Variants in MYBL2 observed in about 807,000 individuals in gnomAD.
The protein encoded by MYBL2 is MYB proto-oncogene like 2, also known as myb-related protein B.
Under a neutral mutation model 79.9 loss-of-function variants are expected in MYBL2, and 28 were observed. The observed-to-expected ratio is 0.35, with a 90% CI of 0.26 to 0.48. The LOEUF (loss-of-function observed/expected upper bound fraction) is 0.48, where lower values mean the gene tolerates loss of function less well. Ranked by LOEUF, MYBL2 falls within the 20% of genes least tolerant of loss-of-function variation. The pLI, the probability that MYBL2 is intolerant of heterozygous loss-of-function variation, is 0.99. For missense variants in MYBL2, 735 were observed against 893.9 expected (o/e 0.82, Z 2.27); for synonymous variants, 378 against 361.2 (o/e 1.05, Z -0.53).
At chr20:43,704,168 C>A (rs149652094) in intron 8 of MYBL2, among the ~76,000 whole-genome samples, 1 of 152,060 alleles carries the variant, frequency 6.6e-6, no homozygotes, top group Non-Finnish European at 1.5e-5. Flanking sequence ...CATGAGCCAC[C>A]ATGCCCGGCT....
Position 43,705,206 on chromosome 20 carries a change from T to C in MYBL2, c.1366-13T>C, listed in dbSNP as rs754576348. 1.2e-6 allele frequency: 2 copies of C among 1,613,204 alleles called. No individual in the cohort carries two copies. The highest frequency in any genetic ancestry group is 1.7e-5 in the Admixed American group (1 of 59,878). ...TCATCATTTTGTCTTGTTCCCTCTC[T>C]CTTCTTTGGCAGTTTCTGAACTTCT... On this transcript the variant is annotated splice_polypyrimidine_tract_variant and intron_variant, in intron 8 of 13. Transcript: ENST00000217026.
intron 2 of MYBL2, among the ~76,000 whole-genome samples, chr20:43,675,911 G>GGTT (rs1986997568): frequency 6.9e-6 from 1 of 144,774 alleles, no homozygotes; most frequent in East Asian, 2.0e-4. Context: ...CCAATAGGTA[G>GGTT]TTTTTTTTTT....
chr20:43,697,578 G>T (rs943322567), intron 6 of MYBL2, among the ~76,000 whole-genome samples: 4 of 148,836 alleles, frequency 2.7e-5, no homozygotes, highest in African/African-American at 1.0e-4. Context: ...GCCTCTGCAC[G>T]CCAGCCTGGG....
chr20:43,673,584 C>A, intron 1 of MYBL2: 1 of 607,954 alleles, frequency 1.6e-6, no homozygotes. Flanking sequence ...CTGCAGTGAG[C>A]TACGATCATG....
At chr20:43,677,289 G>A (rs557231354) in intron 2 of MYBL2, among the ~76,000 whole-genome samples, 5 of 152,122 alleles carry the variant, frequency 3.3e-5, no homozygotes, top group African/African-American at 9.7e-5. Flanking sequence ...GGTCATCCGC[G>A]GCACCGGTAG....
At chr20:43,687,975 G>A (rs1987317863) in intron 5 of MYBL2, among the ~76,000 whole-genome samples, 1 of 143,158 alleles carries the variant, frequency 7.0e-6, no homozygotes, top group Non-Finnish European at 1.5e-5. Context: ...TCATATCACT[G>A]CACTCCAGCC....
At chr20:43,687,204 C>T (rs1987297557) in intron 5 of MYBL2, 132 bp downstream of exon 5, 4 of 898,958 alleles carry the variant, frequency 4.4e-6, no homozygotes, top group Middle Eastern at 3.5e-4. Flanking sequence ...GGCTCCAGGG[C>T]TCCCAGAGGC....
intron 4 of MYBL2, among the ~76,000 whole-genome samples, chr20:43,683,142 A>G (rs1046393741): frequency 6.6e-6 from 1 of 152,104 alleles, no homozygotes; most frequent in Admixed American, 6.6e-5. Context: ...TGTTCCACCC[A>G]TGGAGGGGAG....
Position 43,705,305 on chromosome 20 carries a change from G to A in MYBL2, c.1452G>A (p.Val484=). 1 of 1,614,026 alleles carries A rather than the reference G, an allele frequency of 6.2e-7. No individual in the cohort carries two copies. The highest frequency in any genetic ancestry group is 8.5e-7 in the Non-Finnish European group (1 of 1,179,990). Reference sequence around the variant, plus strand: ...CCCCAGTGTGCAGCCAGAAGGTGGTGGTCACCACACCACTGCACCGGGACA... The same window carrying A: ...CCCCAGTGTGCAGCCAGAAGGTGGTAGTCACCACACCACTGCACCGGGACA... ...TSTPVCSQKV[V]VTTPLHRDKT... The change falls in exon 9 of 14, where the codon GTG becomes GTA. Residue 484 remains valine (V), a synonymous_variant. Transcript: ENST00000217026.
chr20:43,687,107 C>A (rs375726096), intron 5 of MYBL2, 35 bp downstream of exon 5: 2 of 1,598,762 alleles, frequency 1.3e-6, no homozygotes, highest in Admixed American at 1.7e-5. Flanking sequence ...GACAGGTTCC[C>A]GGGAGGCCAG....
chr20:43,702,766 C>T lies in MYBL2; in HGVS notation c.1228C>T (p.Leu410Phe), dbSNP rs1987702603. The change falls in exon 8 of 14, where the codon CTC (leucine) becomes TTC (phenylalanine). Residue 410 changes from leucine to phenylalanine, a missense_variant. Physicochemically the swap from Leu to Phe is conservative, Grantham distance 22. Around this residue, in one of 5 missense-constraint regions of MYBL2, gnomAD observed 243 missense variants for 327.2 expected, o/e 0.74. Transcript: ENST00000217026. ...GSGIGTPPSVLKRQRKRRVAL... is the reference protein window; with the variant it reads ...GSGIGTPPSVFKRQRKRRVAL... Reference sequence around the variant, plus strand: ...TGGCATTGGCACACCGCCCTCTGTGCTCAAGCGGCAGAGGAAGAGGCGTGT... The same window carrying T: ...TGGCATTGGCACACCGCCCTCTGTGTTCAAGCGGCAGAGGAAGAGGCGTGT... 4 of 1,614,094 alleles carry T rather than the reference C, an allele frequency of 2.5e-6. No homozygotes were observed. The African/African-American group carries it at 5.3e-5, about 22-fold the overall frequency.
Position 43,716,069 on chromosome 20 carries a change from G to A in MYBL2, c.2085G>A (p.Arg695=), listed in dbSNP as rs1988025477. 10 of 1,608,378 alleles carry A rather than the reference G, an allele frequency of 6.2e-6. No homozygotes were observed. Among genetic ancestry groups the A allele is most frequent in the Non-Finnish European group, 8.5e-6 (10 of 1,179,778 alleles). Residue 695 remains arginine (R), a synonymous_variant, in exon 14 of 14, where the codon CGG becomes CGA. Coordinates refer to ENST00000217026, the MANE Select transcript of MYBL2 (RefSeq NM_002466.4). Reference sequence around the variant, plus strand: ...GCCTGAAGCCCAGCCACACATCTCGGACCCTCATCTTGTCCTGAGGTGTTG... The same window carrying A: ...GCCTGAAGCCCAGCCACACATCTCGAACCCTCATCTTGTCCTGAGGTGTTG... The part of the protein sequence containing the change: ...LGRLKPSHTS[R]TLILS
At chr20:43,713,391 CTTTTTTTTTTTTT>C (rs1228003804) in intron 12 of MYBL2, among the ~76,000 whole-genome samples, 77 of 141,706 alleles carry the variant, frequency 5.4e-4, no homozygotes, top group African/African-American at 1.9e-3. Context: ...CTTTTTTTTT[CTTTTTTTTTTTTT>C]GAATTGGAAT....
chr20:43,711,521 G>C lies in MYBL2; in HGVS notation c.1639G>C (p.Glu547Gln), dbSNP rs1211622611. ...QTPHLEEDLK[E>Q]VLRSEAGIEL... ...CCCGCACCTGGAGGAGGACTTGAAG[G>C]AGGTGCTGCGTTCTGAGGCTGGCAT... Residue 547 changes from glutamate (E) to glutamine (Q), a missense_variant, in exon 11 of 14, where the codon GAG becomes CAG. Transcript: ENST00000217026. 6.2e-7 allele frequency: 1 copy of C among 1,613,780 alleles called. No homozygotes were observed.
chr20:43,687,221 A>G, intron 5 of MYBL2, 149 bp downstream of exon 5: 1 of 781,900 alleles, frequency 1.3e-6, no homozygotes, highest in South Asian at 1.8e-5. Context: ...AGGCATGCAT[A>G]GTCAGGAGGA....
chr20:43,674,911 T>A (rs1986968371), intron 2 of MYBL2, among the ~76,000 whole-genome samples: 1 of 152,218 alleles, frequency 6.6e-6, no homozygotes, highest in Non-Finnish European at 1.5e-5. Flanking sequence ...TCCTTCTAGC[T>A]CCATCTTTTT....
intron 5 of MYBL2, among the ~76,000 whole-genome samples, chr20:43,690,122 G>A (rs944053530): frequency 2.0e-5 from 3 of 152,090 alleles, no homozygotes; most frequent in African/African-American, 7.2e-5. Flanking sequence ...CATATGAGGA[G>A]GGCGCATGTG....
At position 43,702,494 on chromosome 20, in the gene MYBL2, C is replaced by T. The variant is rs1197663970; in HGVS notation, c.956C>T (p.Pro319Leu). 1.3e-6 allele frequency: 2 copies of T among 1,596,162 alleles called. No homozygotes were observed. Among genetic ancestry groups the T allele is most frequent in the African/African-American group, 1.3e-5 (1 of 74,664 alleles). Reference protein sequence around the residue: ...SEALDLIESDPDAWCDLSKFD... With the variant: ...SEALDLIESDLDAWCDLSKFD... ...CTAACCTCCCTCCCTGGACAGGACC[C>T]TGATGCTTGGTGTGACCTGAGTAAA... Residue 319 changes from proline (P) to leucine (L), a missense_variant, in exon 8 of 14, where the codon CCT (proline) becomes CTT (leucine). Pro to Leu is a moderately conservative substitution (Grantham distance 98). This residue lies in a region of MYBL2 where 243 missense variants were observed against 327.2 expected (regional missense o/e 0.74). Transcript: ENST00000217026.
rs762708031 is a variant in MYBL2 at position 43,686,835 on chromosome 20, A to C, written c.280-17A>C. On this transcript the variant is annotated splice_polypyrimidine_tract_variant and intron_variant, in intron 4 of 13. Coordinates refer to ENST00000217026, the MANE Select transcript of MYBL2 (RefSeq NM_002466.4). ...GAGGGGCCGGTGCAAGTGGCTACCCAGAGACTTTTCTCTAAGGTCATCGAG... is the reference window on the plus strand; with the variant it reads ...GAGGGGCCGGTGCAAGTGGCTACCCCGAGACTTTTCTCTAAGGTCATCGAG... 2 of 1,612,432 alleles carry C rather than the reference A, an allele frequency of 1.2e-6. No homozygotes were observed. The highest frequency in any genetic ancestry group is 8.5e-7 in the Non-Finnish European group (1 of 1,178,706).
Sources: gnomAD v4.1 joint callset for allele counts (sites outside exome capture counted in the v4.1 genomes callset) on GRCh38, gnomAD v4.1.1 for gene constraint, gnomAD v4.1.1 regional missense constraint, MANE v1.5 for transcripts, NCBI Gene and HGNC (gene_info 2026-07-23, HGNC 2026-07-21) for gene names.